The following KHDRBS2 variants were observed in gnomAD, a reference collection of about 807,000 sequenced individuals.
KHDRBS2 encodes the protein KH RNA binding domain containing, signal transduction associated 2.
In KHDRBS2, 26 loss-of-function variants were observed where a neutral mutation model predicts 44.3. The observed-to-expected ratio is 0.59, with a 90% CI of 0.43 to 0.81. The LOEUF (loss-of-function observed/expected upper bound fraction) is 0.81, where lower values mean the gene tolerates loss of function less well. Among genes scored for constraint, KHDRBS2 ranks in the 40% least tolerant of loss-of-function variants. The pLI is 0.00. For synonymous variants in KHDRBS2, 194 were observed against 151.1 expected (o/e 1.28, Z -2.08); for missense variants, 476 against 433.1 (o/e 1.10, Z -0.88).
At chr6:62,199,877 T>TA (rs1448670937) in intron 1 of KHDRBS2, among the ~76,000 whole-genome samples, 3 of 151,952 alleles carry the variant, frequency 2.0e-5, no homozygotes, top group Non-Finnish European at 4.4e-5. Context: ...GTACTGGTAC[T>TA]AAAAAAGAGA....
Position 61,966,073 on chromosome 6 carries a change from G to C in KHDRBS2, c.483+11993C>G, listed in dbSNP as rs180932755. ...CCAACTGTTATGATTGATATCAGGG[G>C]AAAATAAATCTCTGGATGCAATACA... On this transcript the variant is annotated intron_variant, in intron 4 of 8. Transcript: ENST00000281156. Among the ~76,000 whole-genome samples the C allele has an allele frequency of 5.7e-3, 870 of 151,922 alleles. 6 individuals carry two copies. Among genetic ancestry groups the C allele is most frequent in the Non-Finnish European group, 8.1e-3 (548 of 67,906 alleles).
At chr6:61,853,689 A>G (rs576197803) in intron 6 of KHDRBS2, among the ~76,000 whole-genome samples, 1 of 152,334 alleles carries the variant, frequency 6.6e-6, no homozygotes, top group African/African-American at 2.4e-5. Flanking sequence ...GGCAGAAAAA[A>G]TAAATCCCCA....
intron 6 of KHDRBS2, among the ~76,000 whole-genome samples, chr6:61,820,094 T>A (rs1190438223): frequency 6.6e-6 from 1 of 152,030 alleles, no homozygotes. Context: ...TTGCTCTCAA[T>A]ATGCACAAAG....
At chr6:62,256,271 T>C (rs1365976818) in intron 1 of KHDRBS2, among the ~76,000 whole-genome samples, 2 of 152,052 alleles carry the variant, frequency 1.3e-5, no homozygotes, top group Non-Finnish European at 2.9e-5. Flanking sequence ...GGGAACCTTG[T>C]AAACTGTTAG....
At chr6:61,880,995 A>G (rs1583307956) in intron 6 of KHDRBS2, among the ~76,000 whole-genome samples, 1 of 152,020 alleles carries the variant, frequency 6.6e-6, no homozygotes, top group African/African-American at 2.4e-5. Flanking sequence ...TGTGGCAGGG[A>G]TTGTGTGCAG....
intron 8 of KHDRBS2, among the ~76,000 whole-genome samples, chr6:61,682,063 A>T (rs1312560014): frequency 6.6e-6 from 1 of 151,944 alleles, no homozygotes; most frequent in Non-Finnish European, 1.5e-5. Context: ...TATATAAAAA[A>T]ATGGAAATAT....
intron 6 of KHDRBS2, among the ~76,000 whole-genome samples, chr6:61,886,031 C>T (rs1800903256): frequency 6.6e-6 from 1 of 152,084 alleles, no homozygotes; most frequent in Admixed American, 6.5e-5. Context: ...CAATACCATC[C>T]CTGTTGTCAT....
intron 3 of KHDRBS2, among the ~76,000 whole-genome samples, chr6:61,997,876 G>C (rs1777513497): frequency 6.6e-6 from 1 of 152,138 alleles, no homozygotes; most frequent in African/African-American, 2.4e-5. Context: ...CTACAGAAGA[G>C]AGAAATAACT....
chr6:62,003,813 T>C (rs1010028380), intron 3 of KHDRBS2, among the ~76,000 whole-genome samples: 1 of 151,898 alleles, frequency 6.6e-6, no homozygotes, highest in Non-Finnish European at 1.5e-5. Context: ...CACAACAAAC[T>C]CTCTCTCAGA....
chr6:62,107,981 C>T (rs2127380370), intron 2 of KHDRBS2, among the ~76,000 whole-genome samples: 1 of 152,180 alleles, frequency 6.6e-6, no homozygotes, highest in East Asian at 1.9e-4. Flanking sequence ...GACCTAAAAC[C>T]ATAAAAACCC....
At chr6:62,253,764 A>T (rs926717509) in intron 1 of KHDRBS2, among the ~76,000 whole-genome samples, 1 of 152,036 alleles carries the variant, frequency 6.6e-6, no homozygotes, top group Non-Finnish European at 1.5e-5. Flanking sequence ...CTGAGGCCCA[A>T]ATGCATTCTC....
intron 6 of KHDRBS2, among the ~76,000 whole-genome samples, chr6:61,891,375 G>A (rs1230909457): frequency 6.6e-6 from 1 of 152,176 alleles, no homozygotes; most frequent in Non-Finnish European, 1.5e-5. Context: ...GTTCATCAGG[G>A]ATATTGGTCT....
chr6:61,884,467 G>A (rs745724489), intron 6 of KHDRBS2, among the ~76,000 whole-genome samples: 22 of 152,020 alleles, frequency 1.4e-4, no homozygotes, highest in Non-Finnish European at 1.8e-4. Flanking sequence ...TAAATTAAAC[G>A]TATGTCTTTA....
Position 61,857,747 on chromosome 6 carries a change from G to A in KHDRBS2, c.810+36888C>T, listed in dbSNP as rs190901279. ...CATAAACCTCAAGCAGGGCAATGCCGATGGGACTATAAATCATTCGTGGCA... is the reference window on the plus strand; with the variant it reads ...CATAAACCTCAAGCAGGGCAATGCCAATGGGACTATAAATCATTCGTGGCA... On this transcript the variant is annotated intron_variant, in intron 6 of 8. Transcript: ENST00000281156. Among the ~76,000 whole-genome samples, 671 of 151,950 alleles carry A rather than the reference G, an allele frequency of 4.4e-3. 6 individuals carry two copies. The highest frequency in any genetic ancestry group is 5.5e-3 in the Non-Finnish European group (376 of 67,906).
intron 4 of KHDRBS2, among the ~76,000 whole-genome samples, chr6:61,955,666 A>ATATATACACGTATG (rs1562521999): frequency 2.7e-5 from 4 of 147,930 alleles, no homozygotes; most frequent in Non-Finnish European, 4.5e-5. Flanking sequence ...ATATATGTGT[A>ATATATACACGTATG]TATGTACACA....
chr6:61,583,659 G>T, the KHDRBS2 span, among the ~76,000 whole-genome samples: 1 of 151,482 alleles, frequency 6.6e-6, no homozygotes, highest in South Asian at 2.1e-4. Flanking sequence ...TTTCAATTTT[G>T]TTCTTCTTGT....
At chr6:62,192,089 T>C (rs1824745805) in intron 1 of KHDRBS2, among the ~76,000 whole-genome samples, 1 of 152,036 alleles carries the variant, frequency 6.6e-6, no homozygotes, top group African/African-American at 2.4e-5. Context: ...TATAACTTTT[T>C]CATGTAAAAT....
chr6:62,004,193 C>T (rs1170461050), intron 3 of KHDRBS2, among the ~76,000 whole-genome samples: 1 of 152,124 alleles, frequency 6.6e-6, no homozygotes, highest in Middle Eastern at 3.4e-3. Flanking sequence ...AAAAATCCTT[C>T]AAAAAATCCA....
chr6:62,121,473 T>C (rs1807621305), intron 2 of KHDRBS2, among the ~76,000 whole-genome samples: 1 of 152,200 alleles, frequency 6.6e-6, no homozygotes, highest in Non-Finnish European at 1.5e-5. Flanking sequence ...CAAGTGAAGC[T>C]ACTATACCAG....
Sources: allele counts gnomAD v4.1 joint callset (sites outside exome capture counted in the v4.1 genomes callset), GRCh38; gene constraint gnomAD v4.1.1; transcripts MANE v1.5; gene names NCBI Gene and HGNC (gene_info 2026-07-23, HGNC 2026-07-21).